The following CABCOCO1 variants were observed in gnomAD, a reference collection of about 807,000 sequenced individuals.
The protein encoded by CABCOCO1 is ciliary associated calcium binding coiled-coil 1, also known as ciliary-associated calcium-binding coiled-coil protein 1.
Under a neutral mutation model 35.7 loss-of-function variants are expected in CABCOCO1, and 28 were observed. The ratio of observed to expected loss-of-function variants is 0.78; its 90% CI spans 0.58 to 1.07. The LOEUF (loss-of-function observed/expected upper bound fraction) is 1.07, where lower values mean the gene tolerates loss of function less well. Among genes scored for constraint, CABCOCO1 ranks in the 50% least tolerant of loss-of-function variants. The pLI is 0.00. For missense variants in CABCOCO1, 326 were observed against 309.2 expected (o/e 1.05, Z -0.41); for synonymous variants, 95 against 100.1 (o/e 0.95, Z 0.30).
At chr10:61,689,974 T>C (rs1391098278) in intron 4 of CABCOCO1, among the ~76,000 whole-genome samples, 4 of 152,158 alleles carry the variant, frequency 2.6e-5, no homozygotes, top group African/African-American at 4.8e-5. Flanking sequence ...TTTCTTAAAT[T>C]AATTTTTCCC....
At position 61,722,835 on chromosome 10, in the gene CABCOCO1, A is replaced by G. The variant is rs147450991; in HGVS notation, c.552+32214A>G. ...TGAAGGAGAAGTAAAAATTATCAAA[A>G]TAGACACTAGATTATATTGAAAGCC... On this transcript the variant is annotated intron_variant, in intron 5 of 7. Coordinates refer to ENST00000648843, the MANE Select transcript of CABCOCO1 (RefSeq NM_001366906.2). Among the ~76,000 whole-genome samples, 695 of 152,328 alleles carry G rather than the reference A, an allele frequency of 4.6e-3. 9 individuals are homozygous for G. The highest frequency in any genetic ancestry group is 0.016 in the African/African-American group (647 of 41,588).
At chr10:61,718,867 A>G (rs1840929950) in intron 5 of CABCOCO1, among the ~76,000 whole-genome samples, 1 of 152,194 alleles carries the variant, frequency 6.6e-6, no homozygotes, top group South Asian at 2.1e-4. Flanking sequence ...ATTTCTCACA[A>G]AAAGGTGTTC....
At chr10:61,708,649 A>G (rs568666342) in intron 5 of CABCOCO1, among the ~76,000 whole-genome samples, 4 of 152,052 alleles carry the variant, frequency 2.6e-5, no homozygotes, top group Non-Finnish European at 5.9e-5. Flanking sequence ...AATCCCCTTT[A>G]TGAGGGTGGA....
At chr10:61,703,066 G>A (rs1840500915) in intron 5 of CABCOCO1, among the ~76,000 whole-genome samples, 1 of 151,922 alleles carries the variant, frequency 6.6e-6, no homozygotes, top group Non-Finnish European at 1.5e-5. Flanking sequence ...CACAGCAGAA[G>A]TAGCAAGTTT....
intron 1 of CABCOCO1, among the ~76,000 whole-genome samples, chr10:61,669,020 G>GAAAAAAAGAAAAAAAAAA (rs1839275784): frequency 2.0e-5 from 2 of 102,482 alleles, no homozygotes; most frequent in Non-Finnish European, 4.3e-5. Flanking sequence ...AAGGGTTGGG[G>GAAAAAAAGAAAAAAAAAA]AAAAAAAAAA....
At chr10:61,671,497 A>G (rs1340784987) in intron 1 of CABCOCO1, among the ~76,000 whole-genome samples, 1 of 152,112 alleles carries the variant, frequency 6.6e-6, no homozygotes, top group Non-Finnish European at 1.5e-5. Context: ...CCACCCAAAG[A>G]GGATATCTTT....
At chr10:61,673,771 C>T (rs1839430645) in intron 2 of CABCOCO1, among the ~76,000 whole-genome samples, 1 of 152,212 alleles carries the variant, frequency 6.6e-6, no homozygotes, top group Admixed American at 6.5e-5. Context: ...CACTTACTAT[C>T]TGCATCTCTA....
At chr10:61,680,702 G>GTATAACATATATA (rs1839754514) in intron 2 of CABCOCO1, among the ~76,000 whole-genome samples, 1 of 81,170 alleles carries the variant, frequency 1.2e-5, no homozygotes, top group African/African-American at 5.4e-5. Flanking sequence ...ACATATATAT[G>GTATAACATATATA]TTATACATGT....
At chr10:61,718,549 T>C (rs1249070437) in intron 5 of CABCOCO1, among the ~76,000 whole-genome samples, 2 of 152,218 alleles carry the variant, frequency 1.3e-5, no homozygotes, top group East Asian at 3.9e-4. Context: ...AGGTCAGAAT[T>C]TGAGTGTTTA....
chr10:61,690,008 G>T (rs1840087723), intron 4 of CABCOCO1, among the ~76,000 whole-genome samples: 1 of 152,038 alleles, frequency 6.6e-6, no homozygotes, highest in African/African-American at 2.4e-5. Context: ...CGAATATTCT[G>T]CAGAAAACTC....
intron 1 of CABCOCO1, among the ~76,000 whole-genome samples, chr10:61,668,964 T>G (rs1258827912): frequency 1.4e-5 from 2 of 144,530 alleles, no homozygotes; most frequent in Non-Finnish European, 1.5e-5. Context: ...TCAGCTCCAA[T>G]ATGGCTTAGC....
chr10:61,696,242 A>G (rs1272578586), intron 5 of CABCOCO1, among the ~76,000 whole-genome samples: 1 of 152,120 alleles, frequency 6.6e-6, no homozygotes, highest in African/African-American at 2.4e-5. Context: ...GATGCCTATT[A>G]TATCCTTGGG....
At chr10:61,713,288 C>T (rs898890819) in intron 5 of CABCOCO1, among the ~76,000 whole-genome samples, 1 of 152,142 alleles carries the variant, frequency 6.6e-6, no homozygotes, top group Non-Finnish European at 1.5e-5. Flanking sequence ...GGAGTTCACT[C>T]ATGATTTGGC....
At chr10:61,728,338 C>T (rs1397836930) in intron 5 of CABCOCO1, among the ~76,000 whole-genome samples, 1 of 152,096 alleles carries the variant, frequency 6.6e-6, no homozygotes, top group Non-Finnish European at 1.5e-5. Flanking sequence ...TAATAAAATA[C>T]CTTTCCTGAA....
intron 5 of CABCOCO1, among the ~76,000 whole-genome samples, chr10:61,731,768 A>AAGGGAAGGAGGGAGGGAGGG (rs1841308070): frequency 8.4e-6 from 1 of 119,192 alleles, no homozygotes; most frequent in Non-Finnish European, 1.7e-5. Context: ...CAGAGGGAGG[A>AAGGGAAGGAGGGAGGGAGGG]AGGGAAGGAG....
chr10:61,760,904 A>G lies in CABCOCO1; in HGVS notation c.717A>G (p.Glu239=). 6.2e-7 allele frequency: 1 copy of G among 1,612,730 alleles called. No homozygotes were observed. Among genetic ancestry groups the G allele is most frequent in the Non-Finnish European group, 8.5e-7 (1 of 1,179,094 alleles). Residue 239 remains glutamate (E), a synonymous_variant, in exon 7 of 8, where the codon GAA becomes GAG. Transcript: ENST00000648843. ...AAGGCCCTGAGGAGTCTCAGCCAGA[A>G]ACTGACACCTCAGACATGGATCCTT... ...QEQGPEESQP[E]TDTSDMDPLV... is the part of the protein sequence containing the mutation.
chr10:61,716,732 A>G (rs1316999069), intron 5 of CABCOCO1, among the ~76,000 whole-genome samples: 1 of 152,198 alleles, frequency 6.6e-6, no homozygotes, highest in Non-Finnish European at 1.5e-5. Context: ...TAAGAAATTC[A>G]TATTATAGAA....
chr10:61,727,033 G>A (rs1841170295), intron 5 of CABCOCO1, among the ~76,000 whole-genome samples: 1 of 152,000 alleles, frequency 6.6e-6, no homozygotes, highest in Admixed American at 6.6e-5. Context: ...CTGCACTCCA[G>A]CCTGGGCAAC....
At chr10:61,689,590 C>G (rs1327573660) in intron 4 of CABCOCO1, among the ~76,000 whole-genome samples, 1 of 152,072 alleles carries the variant, frequency 6.6e-6, no homozygotes, top group Non-Finnish European at 1.5e-5. Context: ...CCAGGAGAAG[C>G]CATTATTATA....
Sources: allele counts gnomAD v4.1 joint callset (sites outside exome capture counted in the v4.1 genomes callset), GRCh38; gene constraint gnomAD v4.1.1; transcripts MANE v1.5; gene names NCBI Gene and HGNC (gene_info 2026-07-23, HGNC 2026-07-21).